The following ITFG1 variants were observed in gnomAD, a reference collection of about 807,000 sequenced individuals.
ITFG1 encodes the protein integrin alpha FG-GAP repeat containing 1, also known as T-cell immunomodulatory protein.
ITFG1 carries 34 observed loss-of-function variants against 81.8 expected under a neutral mutation model. The ratio of observed to expected loss-of-function variants is 0.42; its 90% CI spans 0.32 to 0.55. The LOEUF is 0.55. Among genes scored for constraint, ITFG1 ranks in the 20% least tolerant of loss-of-function variants. The probability of loss-of-function intolerance (pLI) is 0.17; values close to 1 mark genes in which losing one functional copy is unlikely to be tolerated. For missense variants in ITFG1, 672 were observed against 755.4 expected (o/e 0.89, Z 1.29); for synonymous variants, 285 against 270.6 (o/e 1.05, Z -0.52).
chr16:47,397,312 A>G (rs1170774079), intron 6 of ITFG1, among the ~76,000 whole-genome samples: 1 of 152,182 alleles, frequency 6.6e-6, no homozygotes, highest in Non-Finnish European at 1.5e-5. Context: ...GGGAGGGAGC[A>G]CAGGGGTCAG....
Position 47,155,644 on chromosome 16 carries a change from T to C in ITFG1, c.*75A>G, listed in dbSNP as rs932103796. 5 of 914,336 alleles carry C rather than the reference T, an allele frequency of 5.5e-6. No individual in the cohort carries two copies. The highest frequency in any genetic ancestry group is 2.2e-4 in the Middle Eastern group (1 of 4,554). 56.6% of individuals were successfully genotyped at this position (914,336 alleles called of 1,614,324 possible). On this transcript the variant is annotated 3_prime_UTR_variant, in exon 18 of 18. Coordinates refer to ENST00000320640, the MANE Select transcript of ITFG1 (RefSeq NM_030790.5). ...TTTATAAATAATATTTAATCTCCCC[T>C]ATTTTTTCAAGCCAGAATTTGTGTT...
chr16:47,297,920 A>G (rs1378991706), intron 10 of ITFG1, among the ~76,000 whole-genome samples: 1 of 152,188 alleles, frequency 6.6e-6, no homozygotes, highest in African/African-American at 2.4e-5. Flanking sequence ...TTCCTTAAAT[A>G]GGTTTTCCAG....
At chr16:47,403,096 C>T (rs1432128751) in intron 6 of ITFG1, among the ~76,000 whole-genome samples, 3 of 152,204 alleles carry the variant, frequency 2.0e-5, no homozygotes, top group African/African-American at 7.2e-5. Flanking sequence ...ACTCATTGTA[C>T]TTGACAAATT....
At chr16:47,460,505 C>A (rs1449949538) in intron 1 of ITFG1, among the ~76,000 whole-genome samples, 4 of 152,074 alleles carry the variant, frequency 2.6e-5, no homozygotes, top group African/African-American at 4.8e-5. Context: ...ACAAAGATTC[C>A]TAGGAATCAG....
intron 12 of ITFG1, among the ~76,000 whole-genome samples, chr16:47,240,042 A>G (rs965607693): frequency 1.1e-4 from 17 of 151,962 alleles, no homozygotes; most frequent in Non-Finnish European, 4.4e-5. Flanking sequence ...CTGTAATCCC[A>G]GCACTTTGGG....
At chr16:47,378,801 C>T (rs1229065297) in intron 6 of ITFG1, among the ~76,000 whole-genome samples, 4 of 151,862 alleles carry the variant, frequency 2.6e-5, no homozygotes, top group South Asian at 2.1e-4. Context: ...AAGAATCATG[C>T]CTCAGACTTT....
intron 7 of ITFG1, among the ~76,000 whole-genome samples, chr16:47,370,458 T>C (rs1197241203): frequency 2.6e-5 from 4 of 152,204 alleles, no homozygotes; most frequent in South Asian, 4.1e-4. Flanking sequence ...CCCTGTCCAC[T>C]GAGAGCTATT....
chr16:47,398,685 C>T (rs1017515743), intron 6 of ITFG1, among the ~76,000 whole-genome samples: 4 of 152,182 alleles, frequency 2.6e-5, no homozygotes, highest in Non-Finnish European at 5.9e-5. Flanking sequence ...TGAATCAGAT[C>T]TTTTCTGTCA....
At chr16:47,367,570 G>A (rs549338569) in intron 7 of ITFG1, among the ~76,000 whole-genome samples, 1 of 152,194 alleles carries the variant, frequency 6.6e-6, no homozygotes, top group Non-Finnish European at 1.5e-5. Flanking sequence ...CGCCAAATTT[G>A]TATTTCATAT....
At chr16:47,399,369 C>T (rs941713038) in intron 6 of ITFG1, among the ~76,000 whole-genome samples, 7 of 152,060 alleles carry the variant, frequency 4.6e-5, no homozygotes, top group African/African-American at 1.7e-4. Flanking sequence ...GTCAGGAGAT[C>T]GAGACCATCC....
At position 47,158,853 on chromosome 16, in the gene ITFG1, C is replaced by A; in HGVS notation, c.1779+20G>T. 1 of 1,312,464 alleles carries A rather than the reference C, an allele frequency of 7.6e-7. No homozygotes were observed. The highest frequency in any genetic ancestry group is 1.1e-6 in the Non-Finnish European group (1 of 920,990). 81.3% of individuals were successfully genotyped at this position (1,312,464 alleles called of 1,614,324 possible). A position where few individuals can be genotyped will look rare whatever the true frequency, so the allele number is the denominator to read the frequency against. On this transcript the variant is annotated intron_variant, in intron 17 of 17. Transcript: ENST00000320640. Reference sequence around the variant, plus strand: ...TAGAATAAATTAACCAAAATTAATGCTTCCTTTAAATGAACAAACCTTTTC... The same window carrying A: ...TAGAATAAATTAACCAAAATTAATGATTCCTTTAAATGAACAAACCTTTTC...
At chr16:47,325,967 C>G (rs978068352) in intron 8 of ITFG1, among the ~76,000 whole-genome samples, 5 of 152,198 alleles carry the variant, frequency 3.3e-5, no homozygotes, top group Non-Finnish European at 7.3e-5. Flanking sequence ...CTCCCTAACT[C>G]ATTTTATGAG....
At chr16:47,209,090 A>G (rs1965534454) in intron 14 of ITFG1, among the ~76,000 whole-genome samples, 1 of 152,252 alleles carries the variant, frequency 6.6e-6, no homozygotes, top group Non-Finnish European at 1.5e-5. Flanking sequence ...TTAAAAATCA[A>G]GATAGCCAAA....
intron 7 of ITFG1, among the ~76,000 whole-genome samples, chr16:47,370,129 T>G (rs1968232782): frequency 6.6e-6 from 1 of 152,224 alleles, no homozygotes; most frequent in East Asian, 1.9e-4. Context: ...CGTTAGCTAC[T>G]GTGCCTGGCC....
intron 10 of ITFG1, among the ~76,000 whole-genome samples, chr16:47,308,372 A>G (rs1433064936): frequency 6.6e-6 from 1 of 152,216 alleles, no homozygotes; most frequent in African/African-American, 2.4e-5. Context: ...CCTTTGTACT[A>G]TCAACCTCCA....
intron 5 of ITFG1, among the ~76,000 whole-genome samples, chr16:47,443,948 A>G (rs1367444991): frequency 6.6e-6 from 1 of 152,164 alleles, no homozygotes; most frequent in Non-Finnish European, 1.5e-5. Context: ...AAAGAAATTT[A>G]GAACTGCTGA....
intron 8 of ITFG1, 31 bp from the exon 9 acceptor site, chr16:47,313,854 T>C (rs1967308308): frequency 1.6e-6 from 2 of 1,283,554 alleles, no homozygotes; most frequent in South Asian, 2.6e-5. Context: ...AGTCCATTAA[T>C]AGTCACAAAA....
At chr16:47,228,508 C>A (rs1221190679) in intron 13 of ITFG1, among the ~76,000 whole-genome samples, 1 of 152,144 alleles carries the variant, frequency 6.6e-6, no homozygotes, top group Non-Finnish European at 1.5e-5. Flanking sequence ...AGGCGTGTGC[C>A]ACCACATGCA....
intron 6 of ITFG1, among the ~76,000 whole-genome samples, chr16:47,392,718 T>C (rs899213328): frequency 3.3e-5 from 5 of 152,162 alleles, no homozygotes; most frequent in Non-Finnish European, 5.9e-5. Flanking sequence ...TGAAATGAAA[T>C]AATGTATGGA....
Sources: allele counts gnomAD v4.1 joint callset (sites outside exome capture counted in the v4.1 genomes callset), GRCh38; gene constraint gnomAD v4.1.1; transcripts MANE v1.5; gene names NCBI Gene and HGNC (gene_info 2026-07-23, HGNC 2026-07-21).